Variants in CR1L observed in about 807,000 individuals in gnomAD.
CR1L encodes the protein complement C3b/C4b receptor 1 like.
Under a neutral mutation model 62.3 loss-of-function variants are expected in CR1L, and 59 were observed. The observed-to-expected ratio is 0.95, with a 90% CI of 0.77 to 1.18. The LOEUF is 1.18. CR1L is among the 50% of genes most tolerant of loss of function. CR1L has a pLI of 0.00. For missense variants in CR1L, 700 were observed against 702.8 expected (o/e 1.00, Z 0.04); for synonymous variants, 279 against 248.7 (o/e 1.12, Z -1.15).
At position 207,697,808 on chromosome 1, in the gene CR1L, T is replaced by C. The variant is rs1415046119; in HGVS notation, c.1077T>C (p.Asn359=). 18 of 1,613,830 alleles carry C rather than the reference T, an allele frequency of 1.1e-5. No individual in the cohort carries two copies. The highest frequency in any genetic ancestry group is 1.4e-5 in the Non-Finnish European group (17 of 1,179,896). ...SCDDFLGQLP[N]GHVLFPLNLQ... is the part of the protein sequence containing the mutation. ...ATGACTTCCTGGGCCAACTTCCTAA[T>C]GGCCATGTGCTATTTCCACTTAATC... Residue 359 remains asparagine, a synonymous_variant, in exon 7 of 12, where the codon AAT becomes AAC. Coordinates refer to ENST00000508064, the MANE Select transcript of CR1L (RefSeq NM_175710.2).
intron 9 of CR1L, among the ~76,000 whole-genome samples, chr1:207,705,010 TC>T (rs1467038599): frequency 1.3e-5 from 2 of 152,180 alleles, no homozygotes; most frequent in Admixed American, 1.3e-4. Flanking sequence ...AAGACCATGC[TC>T]CCTCTGAATC....
rs1224642969 is a variant in CR1L at position 207,703,963 on chromosome 1, AAAAAGAAAAG to A, written c.1328+2351_1328+2360del. ...AGGGAGACTTCAACTCAAAAAAAAG[AAAAAGAAAAG>A]AAAAGGAAAAAAAAATACATTTTGT... On this transcript the variant is annotated intron_variant, in intron 9 of 11. Coordinates refer to ENST00000508064, the MANE Select transcript of CR1L (RefSeq NM_175710.2). 2.0e-5 allele frequency among the ~76,000 whole-genome samples: 3 copies of A among 152,130 alleles called. 1 individual carries two copies. The highest frequency in any genetic ancestry group is 1.3e-4 in the Admixed American group (2 of 15,260).
At chr1:207,652,971 A>G (rs1004295080) in intron 1 of CR1L, 2 of 263,904 alleles carry the variant, frequency 7.6e-6, no homozygotes, top group African/African-American at 4.6e-5. Context: ...TAGGTAAAGA[A>G]AGAAAATAAT....
chr1:207,713,785 G>T (rs1412615103), intron 10 of CR1L, among the ~76,000 whole-genome samples: 3 of 152,258 alleles, frequency 2.0e-5, no homozygotes, highest in Non-Finnish European at 2.9e-5. Flanking sequence ...GTAACAGCAT[G>T]GTAATAGCTC....
At chr1:207,648,208 C>CACACACACACAG (rs1553240822) in intron 1 of CR1L, among the ~76,000 whole-genome samples, 19 of 53,882 alleles carry the variant, frequency 3.5e-4, no homozygotes, top group African/African-American at 1.2e-3. Flanking sequence ...CACACACAGA[C>CACACACACACAG]ACACACACAC....
intron 1 of CR1L, among the ~76,000 whole-genome samples, chr1:207,647,706 C>T (rs938090827): frequency 6.6e-6 from 1 of 152,142 alleles, no homozygotes; most frequent in Non-Finnish European, 1.5e-5. Context: ...GAGCTATGCT[C>T]AGGATGGTCT....
At chr1:207,651,790 A>G (rs1384620893) in intron 1 of CR1L, among the ~76,000 whole-genome samples, 4 of 152,250 alleles carry the variant, frequency 2.6e-5, no homozygotes, top group African/African-American at 9.6e-5. Context: ...TGCATGATGC[A>G]ATGATCAGTG....
chr1:207,654,207 C>A (rs1273207782), intron 1 of CR1L, among the ~76,000 whole-genome samples: 1 of 152,070 alleles, frequency 6.6e-6, no homozygotes, highest in Non-Finnish European at 1.5e-5. Flanking sequence ...CAAACAATAG[C>A]AATAATACAC....
At chr1:207,668,356 T>C (rs1663555254) in intron 1 of CR1L, among the ~76,000 whole-genome samples, 1 of 151,112 alleles carries the variant, frequency 6.6e-6, no homozygotes, top group Non-Finnish European at 1.5e-5. Flanking sequence ...AATGAAATCC[T>C]ATCATTTGCA....
intron 11 of CR1L, among the ~76,000 whole-genome samples, chr1:207,723,273 C>A (rs1252143211): frequency 2.0e-5 from 3 of 151,794 alleles, no homozygotes; most frequent in Non-Finnish European, 4.4e-5. Context: ...CTACTAAAAA[C>A]ACAAAAATTA....
intron 8 of CR1L, 32 bp downstream of exon 8, chr1:207,699,306 C>CTCTCCCCTTCATCTGTTCAGTAT: frequency 6.2e-7 from 1 of 1,612,040 alleles, no homozygotes; most frequent in South Asian, 1.1e-5. Flanking sequence ...TCAGGCCAAT[C>CTCTCCCCTTCATCTGTTCAGTAT]TCTCCCCTTC....
intron 1 of CR1L, among the ~76,000 whole-genome samples, chr1:207,650,472 G>A (rs1013185513): frequency 6.6e-6 from 1 of 152,126 alleles, no homozygotes; most frequent in Non-Finnish European, 1.5e-5. Context: ...ACAAGGAGGA[G>A]GCCCTTTAAT....
chr1:207,711,716 G>A (rs1664360744), intron 10 of CR1L, among the ~76,000 whole-genome samples: 1 of 152,246 alleles, frequency 6.6e-6, no homozygotes, highest in Middle Eastern at 3.4e-3. Flanking sequence ...AGACCAGCCT[G>A]GCCAACATGG....
chr1:207,677,216 GGAGGCT>G (rs1663706087), intron 1 of CR1L, among the ~76,000 whole-genome samples, 167 bp from the exon 2 acceptor site: 1 of 144,096 alleles, frequency 6.9e-6, no homozygotes, highest in Non-Finnish European at 1.5e-5. Context: ...CATCTACTCA[GGAGGCT>G]GAGGCAGGGA....
rs575190257 is a variant in CR1L, at chr1:207,717,617, G to A, written c.1568G>A (p.Arg523His). 24 of 1,613,928 alleles carry A rather than the reference G, an allele frequency of 1.5e-5. No homozygotes were observed. The East Asian group carries it at 1.6e-4, about 10-fold the overall frequency. Residue 523 changes from arginine (R) to histidine (H), a missense_variant, in exon 11 of 12, where the codon CGC (arginine) becomes CAC (histidine). Arg to His is a conservative substitution (Grantham distance 29, BLOSUM62 0). Coordinates refer to ENST00000508064, the MANE Select transcript of CR1L (RefSeq NM_175710.2). Reference sequence around the variant, plus strand: ...AACCTCATTGGGGAGAGCACCATCCGCCGCACAAGTGAACCTCATGGGAAT... The same window carrying A: ...AACCTCATTGGGGAGAGCACCATCCACCGCACAAGTGAACCTCATGGGAAT... The part of the protein sequence containing the change: ...TFNLIGESTI[R>H]RTSEPHGNGV...
At chr1:207,660,860 G>A (rs1162469002) in intron 1 of CR1L, among the ~76,000 whole-genome samples, 1 of 152,126 alleles carries the variant, frequency 6.6e-6, no homozygotes, top group Admixed American at 6.5e-5. Context: ...GTTCTTGTTG[G>A]TTTCAAAGAA....
intron 1 of CR1L, chr1:207,655,344 C>A (rs1663288250): frequency 2.5e-6 from 1 of 405,796 alleles, no homozygotes; most frequent in African/African-American, 2.1e-5. Context: ...TGCCTCAGGG[C>A]ACCTTTTACA....
At chr1:207,680,213 G>C (rs879388028) in intron 3 of CR1L, among the ~76,000 whole-genome samples, 12 of 152,218 alleles carry the variant, frequency 7.9e-5, no homozygotes, top group Non-Finnish European at 1.8e-4. Flanking sequence ...TAGGGGCAGG[G>C]AGTATATAGG....
intron 1 of CR1L, among the ~76,000 whole-genome samples, 175 bp from the exon 2 acceptor site, chr1:207,677,214 C>T (rs561296768): frequency 1.8e-4 from 25 of 139,900 alleles, no homozygotes; most frequent in African/African-American, 5.9e-4. Context: ...CCCATCTACT[C>T]AGGAGGCTGA....
Sources: gnomAD v4.1 joint callset for allele counts (sites outside exome capture counted in the v4.1 genomes callset) on GRCh38, gnomAD v4.1.1 for gene constraint, MANE v1.5 for transcripts, NCBI Gene and HGNC (gene_info 2026-07-23, HGNC 2026-07-21) for gene names.